ABTB3: variants seen among roughly 807,000 people sequenced by gnomAD.
The protein encoded by ABTB3 is ankyrin repeat- and BTB/POZ domain-containing protein 3.
the ABTB3 span, among the ~76,000 whole-genome samples, chr12:107,387,911 T>G: frequency 1.3e-5 from 2 of 152,040 alleles, no homozygotes; most frequent in Admixed American, 1.3e-4. Flanking sequence ...TCCCTCATCT[T>G]CCTGCTTCCC....
chr12:107,368,602 A>G, the ABTB3 span, among the ~76,000 whole-genome samples: 1 of 152,174 alleles, frequency 6.6e-6, no homozygotes, highest in African/African-American at 2.4e-5. Context: ...GCAAGTATCT[A>G]TACTCAGGAG....
the ABTB3 span, among the ~76,000 whole-genome samples, chr12:107,424,654 A>T: frequency 6.6e-6 from 1 of 152,212 alleles, no homozygotes; most frequent in African/African-American, 2.4e-5. Context: ...CTGTAAGGAA[A>T]AAAGGAAGGA....
At chr12:107,505,247 G>A in the ABTB3 span, among the ~76,000 whole-genome samples, 1 of 151,866 alleles carries the variant, frequency 6.6e-6, no homozygotes, top group African/African-American at 2.4e-5. Context: ...AATTAATCTG[G>A]GAAATAAGTA....
At chr12:107,650,342 C>T in the ABTB3 span, 204 of 152,322 alleles carry the variant, frequency 1.3e-3, 1 homozygote, top group African/African-American at 4.6e-3. Flanking sequence ...GCCAATAGGA[C>T]TATGTATTCA....
chr12:107,418,749 G>A, the ABTB3 span, among the ~76,000 whole-genome samples: 86 of 152,294 alleles, frequency 5.6e-4, no homozygotes, highest in East Asian at 9.1e-3. Context: ...AGGACCCCAC[G>A]CTTCTCTAAG....
chr12:107,501,469 G>A, the ABTB3 span, among the ~76,000 whole-genome samples: 2 of 151,998 alleles, frequency 1.3e-5, no homozygotes. Flanking sequence ...GGAGGCCAAG[G>A]TGAGTGGATT....
the ABTB3 span, among the ~76,000 whole-genome samples, chr12:107,547,264 C>G: frequency 3.3e-5 from 5 of 152,194 alleles, no homozygotes; most frequent in African/African-American, 4.8e-5. Flanking sequence ...AGAAGAAGAA[C>G]AACAACAACC....
chr12:107,581,054 TGGGGGGATCCCCGCGAGCA>T, the ABTB3 span: 2,851 of 1,543,972 alleles, frequency 1.8e-3, 50 homozygotes, highest in East Asian at 0.039. Flanking sequence ...AGTCGGGAGA[TGGGGGGATCCCCGCGAGCA>T]GGGGGTGGGG....
chr12:107,492,984 T>C, the ABTB3 span, among the ~76,000 whole-genome samples: 1 of 151,688 alleles, frequency 6.6e-6, no homozygotes, highest in African/African-American at 2.4e-5. Flanking sequence ...TTGGTGCTGC[T>C]GTTAGGACCA....
the ABTB3 span, among the ~76,000 whole-genome samples, chr12:107,621,480 G>GT: frequency 1.3e-5 from 2 of 152,196 alleles, no homozygotes; most frequent in Non-Finnish European, 2.9e-5. Context: ...TTTGTTTGTT[G>GT]TTTTTAACTT....
the ABTB3 span, chr12:107,609,993 A>T: frequency 1.6e-6 from 1 of 624,604 alleles, no homozygotes; most frequent in Non-Finnish European, 2.8e-6. Flanking sequence ...AGCACACAGG[A>T]GACTAGACAG....
chr12:107,560,037 C>T, the ABTB3 span, among the ~76,000 whole-genome samples: 3 of 152,008 alleles, frequency 2.0e-5, no homozygotes, highest in Admixed American at 6.6e-5. Context: ...CATAGTTACA[C>T]TGTGTATATA....
the ABTB3 span, among the ~76,000 whole-genome samples, chr12:107,631,605 A>G: frequency 0.017 from 2,648 of 152,202 alleles, 94 homozygotes; most frequent in African/African-American, 0.06. Context: ...CTTCATTGTC[A>G]TATCTCTTAG....
the ABTB3 span, among the ~76,000 whole-genome samples, chr12:107,511,556 G>C: frequency 1.3e-5 from 2 of 152,078 alleles, no homozygotes; most frequent in Non-Finnish European, 2.9e-5. Flanking sequence ...ATGCTAGCCA[G>C]GCTTCTTCTC....
chr12:107,475,997 G>C, the ABTB3 span, among the ~76,000 whole-genome samples: 1 of 152,184 alleles, frequency 6.6e-6, no homozygotes, highest in Admixed American at 6.5e-5. Context: ...TGGTGACTAG[G>C]ATTAAAGCCG....
chr12:107,372,924 G>T, the ABTB3 span, among the ~76,000 whole-genome samples: 1 of 152,196 alleles, frequency 6.6e-6, no homozygotes, highest in African/African-American at 2.4e-5. Context: ...CGGGAGCAGG[G>T]TTTATCAACC....
At chr12:107,452,650 G>A in the ABTB3 span, among the ~76,000 whole-genome samples, 1 of 152,094 alleles carries the variant, frequency 6.6e-6, no homozygotes, top group Admixed American at 6.5e-5. Flanking sequence ...GATCAGCCTG[G>A]CCAACATGAT....
the ABTB3 span, chr12:107,617,590 C>T: frequency 3.1e-6 from 3 of 972,238 alleles, no homozygotes; most frequent in Non-Finnish European, 4.4e-6. Flanking sequence ...AGCGACCCTA[C>T]CTGCCAGCTG....
chr12:107,429,005 G>A, the ABTB3 span, among the ~76,000 whole-genome samples: 1 of 152,242 alleles, frequency 6.6e-6, no homozygotes, highest in Non-Finnish European at 1.5e-5. Context: ...AGCATCTAGG[G>A]CAGGTAGGGG....
Sources: allele counts gnomAD v4.1 joint callset (sites outside exome capture counted in the v4.1 genomes callset), GRCh38; gene constraint gnomAD v4.1.1; transcripts MANE v1.5; gene names NCBI Gene and HGNC (gene_info 2026-07-23, HGNC 2026-07-21).